The following KIFAP3 variants were observed in gnomAD, a reference collection of about 807,000 sequenced individuals.
The protein encoded by KIFAP3 is kinesin associated protein 3, also known as kinesin-associated protein 3.
Under a neutral mutation model 106.5 loss-of-function variants are expected in KIFAP3, and 68 were observed. That is an observed-to-expected ratio of 0.64 (90% confidence interval 0.53 to 0.78). The LOEUF is 0.78. KIFAP3 is among the 30% of genes least tolerant of loss of function. The pLI is 0.00. For missense variants in KIFAP3, 780 were observed against 941.8 expected (o/e 0.83, Z 2.25); for synonymous variants, 320 against 311.5 (o/e 1.03, Z -0.29).
chr1:170,025,654 T>C (rs1243141107), intron 8 of KIFAP3, among the ~76,000 whole-genome samples: 2 of 152,054 alleles, frequency 1.3e-5, no homozygotes, highest in East Asian at 3.9e-4. Flanking sequence ...ATTTTACAGA[T>C]TGGAAACCCC....
chr1:169,997,640 G>T (rs1472339605), intron 10 of KIFAP3, among the ~76,000 whole-genome samples: 2 of 151,998 alleles, frequency 1.3e-5, no homozygotes, highest in Non-Finnish European at 2.9e-5. Context: ...GGAGGCTGAG[G>T]CATGTGGATT....
rs561667375 is a variant in KIFAP3, at chr1:170,069,909, A to G, written c.32+4527T>C. 2.4e-4 allele frequency among the ~76,000 whole-genome samples: 37 copies of G among 152,256 alleles called. No individual in the cohort carries two copies. In the South Asian group the frequency reaches 5.4e-3, roughly 22 times the overall value. ...TTCTATCTGCAGAAGACATAATCTT[A>G]TATATAGAAAATTCTAAAAATGGCA... On this transcript the variant is annotated intron_variant, in intron 1 of 19. Coordinates refer to ENST00000361580, the MANE Select transcript of KIFAP3 (RefSeq NM_014970.4).
At chr1:169,969,090 G>A (rs1228011151) in intron 17 of KIFAP3, among the ~76,000 whole-genome samples, 1 of 151,906 alleles carries the variant, frequency 6.6e-6, no homozygotes, top group African/African-American at 2.4e-5. Flanking sequence ...TGCAAAACAA[G>A]CAAGAACCAG....
At chr1:170,059,888 T>C (rs1471692455) in intron 1 of KIFAP3, among the ~76,000 whole-genome samples, 1 of 152,022 alleles carries the variant, frequency 6.6e-6, no homozygotes, top group Non-Finnish European at 1.5e-5. Flanking sequence ...ACGTAATCCA[T>C]CATATAAACA....
chr1:170,048,388 A>AG (rs1377865051), intron 2 of KIFAP3, among the ~76,000 whole-genome samples: 1 of 151,574 alleles, frequency 6.6e-6, no homozygotes, highest in East Asian at 2.0e-4. Context: ...AGGCATAGAG[A>AG]GAAAGGTCAA....
At chr1:170,011,370 C>G (rs1422333584) in intron 10 of KIFAP3, among the ~76,000 whole-genome samples, 1 of 151,686 alleles carries the variant, frequency 6.6e-6, no homozygotes, top group Non-Finnish European at 1.5e-5. Context: ...CAATGAGTAG[C>G]TAATAACTAG....
rs145406203 is a variant in KIFAP3 at position 169,973,105 on chromosome 1, G to GTGTATA, written c.1898-508_1898-507insTATACA. Among the ~76,000 whole-genome samples the GTGTATA allele has an allele frequency of 3.2e-3, 291 of 90,260 alleles. 20 individuals are homozygous for GTGTATA. Among genetic ancestry groups the GTGTATA allele is most frequent in the East Asian group, 7.1e-3 (17 of 2,386 alleles). 59.2% of individuals were successfully genotyped at this position (90,260 alleles called of 152,430 possible). A position where few individuals can be genotyped will look rare whatever the true frequency, so the allele number is the denominator to read the frequency against. The stretch of plus-strand genomic sequence containing the variant: ...ATAAAAATAATTTAAAAAATAGTGT[G>GTGTATA]TATATATATATATATATAAACAACA... On this transcript the variant is annotated intron_variant, in intron 16 of 19. Coordinates refer to ENST00000361580, the MANE Select transcript of KIFAP3 (RefSeq NM_014970.4).
intron 5 of KIFAP3, among the ~76,000 whole-genome samples, chr1:170,037,156 T>C (rs1571708790): frequency 6.6e-6 from 1 of 152,124 alleles, no homozygotes; most frequent in Non-Finnish European, 1.5e-5. Context: ...AAGGGAACAC[T>C]AAAACAATTC....
intron 10 of KIFAP3, among the ~76,000 whole-genome samples, chr1:169,994,658 C>G (rs1299985939): frequency 6.6e-6 from 1 of 151,754 alleles, no homozygotes; most frequent in Non-Finnish European, 1.5e-5. Context: ...ATTTGGAATA[C>G]AACATATACA....
chr1:170,041,041 T>G (rs1377516079), intron 3 of KIFAP3, among the ~76,000 whole-genome samples: 1 of 152,106 alleles, frequency 6.6e-6, no homozygotes, highest in Non-Finnish European at 1.5e-5. Flanking sequence ...GCCAGGATGG[T>G]CTCGATCTCT....
At chr1:169,961,920 G>C (rs1399951503) in intron 17 of KIFAP3, among the ~76,000 whole-genome samples, 1 of 152,070 alleles carries the variant, frequency 6.6e-6, no homozygotes, top group Admixed American at 6.6e-5. Context: ...ATGTTTTGGG[G>C]GAGTTAAAAG....
intron 10 of KIFAP3, 105 bp downstream of exon 10, chr1:170,016,357 T>C (rs575233521): frequency 3.3e-5 from 28 of 839,246 alleles, no homozygotes; most frequent in Non-Finnish European, 4.4e-5. Context: ...TCAAAGAATA[T>C]AGACAGAATG....
chr1:169,948,984 A>G (rs964386454), intron 19 of KIFAP3, among the ~76,000 whole-genome samples: 8 of 151,660 alleles, frequency 5.3e-5, no homozygotes, highest in African/African-American at 1.7e-4. Flanking sequence ...AGCTAAACAA[A>G]TAAGTCTAAT....
At position 170,055,335 on chromosome 1, in the gene KIFAP3, A is replaced by T; in HGVS notation, c.134T>A (p.Met45Lys). 6.2e-7 allele frequency: 1 copy of T among 1,605,602 alleles called. No individual in the cohort carries two copies. The highest frequency in any genetic ancestry group is 8.5e-7 in the Non-Finnish European group (1 of 1,177,842). ...ATILGEMGDPMLGERKECQKI... is the reference protein window; with the variant it reads ...ATILGEMGDPKLGERKECQKI... The stretch of plus-strand genomic sequence containing the variant: ...TTGACATTCTTTTCGTTCTCCCAAC[A>T]TGGGGTCCCCCATTTCTCCAAGAAT... The change falls in exon 2 of 20, where the codon ATG becomes AAG. Residue 45 changes from methionine (M) to lysine (K), a missense_variant. Coordinates refer to ENST00000361580, the MANE Select transcript of KIFAP3 (RefSeq NM_014970.4).
intron 16 of KIFAP3, 73 bp downstream of exon 16, chr1:169,978,012 A>AT: frequency 9.7e-7 from 1 of 1,029,268 alleles, no homozygotes. Context: ...TTGCAAAAAA[A>AT]AAAACAACTC....
intron 2 of KIFAP3, among the ~76,000 whole-genome samples, chr1:170,055,096 G>T (rs1670774505): frequency 6.6e-6 from 1 of 152,012 alleles, no homozygotes; most frequent in South Asian, 2.1e-4. Context: ...GTTACAACAG[G>T]TTCCTATTAA....
At chr1:169,925,648 G>C (rs901741263) in intron 19 of KIFAP3, among the ~76,000 whole-genome samples, 1 of 151,988 alleles carries the variant, frequency 6.6e-6, no homozygotes, top group Admixed American at 6.6e-5. Flanking sequence ...AAAGAAATCT[G>C]GAAATGACAA....
intron 1 of KIFAP3, among the ~76,000 whole-genome samples, chr1:170,056,829 C>G (rs1345329728): frequency 6.6e-6 from 1 of 151,810 alleles, no homozygotes; most frequent in African/African-American, 2.4e-5. Context: ...AGGTCAGAAA[C>G]TAAACTGATA....
At chr1:169,932,202 G>GTTC (rs1663528033) in intron 19 of KIFAP3, among the ~76,000 whole-genome samples, 1 of 152,136 alleles carries the variant, frequency 6.6e-6, no homozygotes, top group Admixed American at 6.6e-5. Context: ...TGGGGAACTA[G>GTTC]AAAGCACATG....
Sources: allele counts gnomAD v4.1 joint callset (sites outside exome capture counted in the v4.1 genomes callset), GRCh38; gene constraint gnomAD v4.1.1; transcripts MANE v1.5; gene names NCBI Gene and HGNC (gene_info 2026-07-23, HGNC 2026-07-21).